The following AKR1D1 variants were observed in gnomAD, a reference collection of about 807,000 sequenced individuals.
The protein encoded by AKR1D1 is delta(4)-3-ketosteroid 5-beta-reductase.
A neutral mutation model predicts 42.6 loss-of-function variants in AKR1D1; 32 were observed. The observed-to-expected ratio is 0.75, with a 90% CI of 0.57 to 1.01. The LOEUF is 1.01. Among genes scored for constraint, AKR1D1 ranks in the 50% least tolerant of loss-of-function variants. The pLI, the probability that AKR1D1 is intolerant of heterozygous loss-of-function variation, is 0.00. For synonymous variants in AKR1D1, 123 were observed against 135.5 expected (o/e 0.91, Z 0.64); for missense variants, 364 against 402.2 (o/e 0.91, Z 0.81).
At chr7:138,085,050 G>A (rs1218547349) in intron 1 of AKR1D1, among the ~76,000 whole-genome samples, 5 of 42,978 alleles carry the variant, frequency 1.2e-4, no homozygotes, top group Non-Finnish European at 1.5e-4. Flanking sequence ...GTGAGACTCC[G>A]TCTCAAAAAA....
intron 1 of AKR1D1, 55 bp from the exon 2 acceptor site, chr7:138,088,546 A>C: frequency 6.3e-7 from 1 of 1,582,256 alleles, no homozygotes. Context: ...ATTAATGATT[A>C]TTAAAGGAAA....
chr7:138,086,841 CCT>C (rs141334861), intron 1 of AKR1D1, among the ~76,000 whole-genome samples: 71 of 152,240 alleles, frequency 4.7e-4, no homozygotes, highest in African/African-American at 1.6e-3. Context: ...TAGAATCAAC[CCT>C]CTCACACACA....
chr7:138,115,289 A>T (rs575546547), intron 8 of AKR1D1, among the ~76,000 whole-genome samples: 1 of 152,276 alleles, frequency 6.6e-6, no homozygotes, highest in East Asian at 1.9e-4. Context: ...CAAAAAATTT[A>T]AAAATAAGCC....
chr7:138,076,924 T>C (rs1802950575), intron 1 of AKR1D1, among the ~76,000 whole-genome samples: 1 of 152,176 alleles, frequency 6.6e-6, no homozygotes, highest in South Asian at 2.1e-4. Context: ...TGTTTATGAC[T>C]TGTGTTTTTT....
chr7:138,102,749 C>T (rs999110897), intron 4 of AKR1D1, among the ~76,000 whole-genome samples: 1 of 152,164 alleles, frequency 6.6e-6, no homozygotes, highest in Non-Finnish European at 1.5e-5. Flanking sequence ...AATGCCAACG[C>T]AATTCAATGG....
chr7:138,105,925 AT>A (rs1002324412), intron 5 of AKR1D1, among the ~76,000 whole-genome samples: 3 of 54,818 alleles, frequency 5.5e-5, no homozygotes, highest in Non-Finnish European at 1.1e-4. Context: ...ATGAAAATCA[AT>A]GAAAAAAAAT....
Position 138,076,625 on chromosome 7 carries a change from TTC to T in AKR1D1, c.93+20_93+21del. On this transcript the variant is annotated intron_variant, in intron 1 of 8. Coordinates refer to ENST00000242375, the MANE Select transcript of AKR1D1 (RefSeq NM_005989.4). Reference sequence around the variant, plus strand: ...GAACCTAAATCGGTAAGCTTATTTTTTCTCTCTTTGCTTGCTTGTTTGTTTCT... The same window carrying T: ...GAACCTAAATCGGTAAGCTTATTTTTTCTCTTTGCTTGCTTGTTTGTTTCT... 1 of 1,594,246 alleles carries T rather than the reference TTC, an allele frequency of 6.3e-7. No individual in the cohort carries two copies. The highest frequency in any genetic ancestry group is 8.6e-7 in the Non-Finnish European group (1 of 1,162,866).
chr7:138,081,506 CTTTTTTTTTTTTTTTTTTTTT>C (rs61466734), intron 1 of AKR1D1, among the ~76,000 whole-genome samples: 6 of 47,698 alleles, frequency 1.3e-4, no homozygotes, highest in South Asian at 1.9e-3. Flanking sequence ...GAACTCCTAC[CTTTTTTTTTTTTTTTTTTTTT>C]TTTTTTTTTT....
At chr7:138,109,671 AC>A (rs764133036) in intron 7 of AKR1D1, among the ~76,000 whole-genome samples, 2 of 152,110 alleles carry the variant, frequency 1.3e-5, no homozygotes, top group Non-Finnish European at 2.9e-5. Flanking sequence ...AGTTACATCA[AC>A]TCCTGACAAT....
intron 1 of AKR1D1, among the ~76,000 whole-genome samples, chr7:138,085,150 T>G (rs1224822490): frequency 6.7e-6 from 1 of 148,800 alleles, no homozygotes; most frequent in Non-Finnish European, 1.5e-5. Context: ...AAGTACAAAA[T>G]AGTAATACAT....
chr7:138,109,513 C>A (rs1794496720), intron 7 of AKR1D1, among the ~76,000 whole-genome samples: 2 of 152,168 alleles, frequency 1.3e-5, no homozygotes. Flanking sequence ...CTGAAGGTCA[C>A]CCTCATATTA....
intron 3 of AKR1D1, among the ~76,000 whole-genome samples, chr7:138,093,333 T>C (rs1020133909): frequency 2.6e-5 from 4 of 152,222 alleles, no homozygotes; most frequent in African/African-American, 2.4e-5. Flanking sequence ...TCCCAAAGTG[T>C]TGGGATTAAT....
intron 8 of AKR1D1, among the ~76,000 whole-genome samples, chr7:138,114,011 G>A (rs1006872249): frequency 3.9e-5 from 6 of 152,200 alleles, no homozygotes; most frequent in Admixed American, 2.6e-4. Flanking sequence ...TGACTTCGGT[G>A]AAGGCATGCA....
intron 4 of AKR1D1, among the ~76,000 whole-genome samples, chr7:138,099,932 G>C (rs1186192625): frequency 4.7e-5 from 7 of 150,026 alleles, no homozygotes; most frequent in African/African-American, 1.7e-4. Flanking sequence ...GAAAGATGAG[G>C]AATATCACGG....
intron 8 of AKR1D1, 74 bp from the exon 9 acceptor site, chr7:138,116,545 CA>C: frequency 6.6e-7 from 1 of 1,519,588 alleles, no homozygotes; most frequent in Non-Finnish European, 9.1e-7. Context: ...GTGAAATTCT[CA>C]AAGGATGCTA....
chr7:138,076,592 C>A lies in AKR1D1; in HGVS notation c.74C>A (p.Thr25Asn). The change falls in exon 1 of 9, where the codon ACC becomes AAC. Residue 25 changes from threonine (T) to asparagine (N), a missense_variant. By Grantham distance (65) the Thr-to-Asn change is moderately conservative. Transcript: ENST00000242375. ...AGCATTCCCATCATCGGACTTGGTA[C>A]CTACTCAGAACCTAAATCGGTAAGC... ...GNSIPIIGLG[T>N]YSEPKSTPKG... The A allele has an allele frequency of 1.2e-6, 2 of 1,613,170 alleles. No individual in the cohort carries two copies. Among genetic ancestry groups the A allele is most frequent in the Admixed American group, 1.7e-5 (1 of 59,950 alleles).
intron 4 of AKR1D1, among the ~76,000 whole-genome samples, chr7:138,102,671 C>A: frequency 6.6e-6 from 1 of 152,122 alleles, no homozygotes; most frequent in East Asian, 1.9e-4. Context: ...ACATATAGAT[C>A]AATAAAACAT....
At chr7:138,113,373 T>C (rs1224168596) in intron 7 of AKR1D1, among the ~76,000 whole-genome samples, 1 of 152,056 alleles carries the variant, frequency 6.6e-6, no homozygotes, top group Non-Finnish European at 1.5e-5. Flanking sequence ...AAGACAGTAG[T>C]TCAGAATCAA....
At chr7:138,113,315 CA>C (rs34789634) in intron 7 of AKR1D1, among the ~76,000 whole-genome samples, 14,949 of 115,338 alleles carry the variant, frequency 0.13, 877 homozygotes, top group Middle Eastern at 0.26. Flanking sequence ...GACCCTGTCT[CA>C]AAAAAAAAAA....
Sources: allele counts gnomAD v4.1 joint callset (sites outside exome capture counted in the v4.1 genomes callset), GRCh38; gene constraint gnomAD v4.1.1; transcripts MANE v1.5; gene names NCBI Gene and HGNC (gene_info 2026-07-23, HGNC 2026-07-21).